The following CDC42SE2 variants were observed in gnomAD, a reference collection of about 807,000 sequenced individuals.
CDC42SE2 encodes the protein CDC42 small effector protein 2.
A neutral mutation model predicts 11.5 loss-of-function variants in CDC42SE2; 3 were observed. That is an observed-to-expected ratio of 0.26 (90% CI 0.12 to 0.67). The LOEUF is 0.67. Ranked by LOEUF, CDC42SE2 falls within the 30% of genes least tolerant of loss-of-function variation. The pLI is 0.80. For synonymous variants in CDC42SE2, 33 were observed against 34.8 expected, an observed-to-expected ratio of 0.95 and a Z score of 0.18; for missense variants, 82 against 106.8, an observed-to-expected ratio of 0.77 and a Z score of 1.02.
At chr5:131,348,682 T>A (rs1034573169) in intron 2 of CDC42SE2, among the ~76,000 whole-genome samples, 4 of 152,138 alleles carry the variant, frequency 2.6e-5, no homozygotes, top group Non-Finnish European at 4.4e-5. Context: ...CTGCATTGCC[T>A]AGTCAATCCT....
rs1250121871 is a variant in CDC42SE2 at position 131,348,375 on chromosome 5, T to G, written c.-285-10834T>G. ...AACAGACAGAGAGCCAAATCATGAG[T>G]GAACTCCCATTCACACTTGGTACAA... On this transcript the variant is annotated intron_variant, in intron 2 of 4. Coordinates refer to ENST00000505065, the MANE Select transcript of CDC42SE2 (RefSeq NM_001375635.1). Among the ~76,000 whole-genome samples, 3 of 152,210 alleles carry G rather than the reference T, an allele frequency of 2.0e-5. No homozygotes were observed. The East Asian group carries it at 5.8e-4, about 29-fold the overall frequency.
At chr5:131,383,146 G>A (rs1020273288) in intron 3 of CDC42SE2, among the ~76,000 whole-genome samples, 3 of 152,202 alleles carry the variant, frequency 2.0e-5, no homozygotes, top group African/African-American at 7.2e-5. Context: ...TTGCTGGCAT[G>A]CAGCACTCCA....
rs568271359 is a variant in CDC42SE2 at position 131,290,982 on chromosome 5, A to T, written c.-454-24994A>T. Among the ~76,000 whole-genome samples, 3 of 152,302 alleles carry T rather than the reference A, an allele frequency of 2.0e-5. No homozygotes were observed. In the South Asian group the frequency reaches 6.2e-4, roughly 32 times the overall value. ...AAGATAAAAAAGGAAAACCTTAAAA[A>T]TACTAGGAGAAAACATCGGTCAATA... On this transcript the variant is annotated intron_variant, in intron 1 of 4. Transcript: ENST00000505065.
intron 1 of CDC42SE2, among the ~76,000 whole-genome samples, chr5:131,312,406 C>T (rs1197830389): frequency 2.0e-5 from 3 of 152,180 alleles, no homozygotes; most frequent in African/African-American, 7.2e-5. Context: ...TGTCTGTGCC[C>T]TGCCCCAAGA....
chr5:131,316,932 A>G (rs1043232560), intron 2 of CDC42SE2, among the ~76,000 whole-genome samples: 1 of 152,032 alleles, frequency 6.6e-6, no homozygotes, highest in Admixed American at 6.6e-5. Context: ...ACACATTTCT[A>G]CTTGATCATG....
chr5:131,363,007 G>C (rs1749753877), intron 3 of CDC42SE2, among the ~76,000 whole-genome samples: 2 of 152,172 alleles, frequency 1.3e-5, no homozygotes, highest in South Asian at 4.1e-4. Flanking sequence ...TAGCCGGTGT[G>C]ATGTTATGTG....
chr5:131,309,769 A>T (rs867570416), intron 1 of CDC42SE2, among the ~76,000 whole-genome samples: 21 of 151,886 alleles, frequency 1.4e-4, no homozygotes, highest in South Asian at 1.2e-3. Context: ...GGTAGTTTGT[A>T]TTTCTGTGGG....
Position 131,280,478 on chromosome 5 carries a change from G to C in CDC42SE2, c.-455+16312G>C, listed in dbSNP as rs748543462. On this transcript the variant is annotated intron_variant, in intron 1 of 4. Coordinates refer to ENST00000505065, the MANE Select transcript of CDC42SE2 (RefSeq NM_001375635.1). Reference sequence around the variant, plus strand: ...CAGTTTGAAAGGGTCATATTGGAAAGTGAAAATTCTGTTTGACGAGGATAA... The same window carrying C: ...CAGTTTGAAAGGGTCATATTGGAAACTGAAAATTCTGTTTGACGAGGATAA... Among the ~76,000 whole-genome samples the C allele has an allele frequency of 2.0e-5, 3 of 152,174 alleles. No individual in the cohort carries two copies. The South Asian group carries it at 6.2e-4, about 31-fold the overall frequency.
the CDC42SE2 span, among the ~76,000 whole-genome samples, chr5:131,239,808 T>C: frequency 6.6e-6 from 1 of 152,190 alleles, no homozygotes; most frequent in Non-Finnish European, 1.5e-5. Context: ...GGTTTCTCAT[T>C]TGGGGAAGGG....
intron 1 of CDC42SE2, among the ~76,000 whole-genome samples, chr5:131,292,459 T>C (rs1324449006): frequency 6.7e-6 from 1 of 149,590 alleles, no homozygotes; most frequent in African/African-American, 2.5e-5. Flanking sequence ...TCCCAGCCAC[T>C]TGGGAGGCTG....
chr5:131,275,137 G>A (rs898866817), intron 1 of CDC42SE2, among the ~76,000 whole-genome samples: 7 of 151,900 alleles, frequency 4.6e-5, no homozygotes, highest in Admixed American at 2.0e-4. Context: ...ATAAACTGAT[G>A]GAATAAAGAA....
chr5:131,342,287 A>T (rs1477108240), intron 2 of CDC42SE2, among the ~76,000 whole-genome samples: 1 of 151,798 alleles, frequency 6.6e-6, no homozygotes, highest in Admixed American at 6.6e-5. Context: ...TCAAAAAAAA[A>T]AAAAAAAGGT....
At chr5:131,305,858 T>C (rs1757768266) in intron 1 of CDC42SE2, among the ~76,000 whole-genome samples, 1 of 152,234 alleles carries the variant, frequency 6.6e-6, no homozygotes, top group Admixed American at 6.5e-5. Context: ...TATTTTCCTA[T>C]GTTTTCTTCT....
intron 1 of CDC42SE2, among the ~76,000 whole-genome samples, chr5:131,304,041 C>T (rs1310747358): frequency 6.6e-6 from 1 of 151,904 alleles, no homozygotes; most frequent in Non-Finnish European, 1.5e-5. Context: ...CTCACTGCAA[C>T]CTTGACCTTC....
chr5:131,385,154 A>T (rs1172605812), intron 3 of CDC42SE2, among the ~76,000 whole-genome samples: 3 of 152,212 alleles, frequency 2.0e-5, no homozygotes, highest in African/African-American at 4.8e-5. Flanking sequence ...TCTGTTAATG[A>T]TGAAAGCCAG....
At chr5:131,350,412 A>G (rs1758977560) in intron 2 of CDC42SE2, among the ~76,000 whole-genome samples, 1 of 152,048 alleles carries the variant, frequency 6.6e-6, no homozygotes, top group Admixed American at 6.6e-5. Flanking sequence ...ATTAATGTCA[A>G]AATTGAATTA....
At chr5:131,227,356 G>T in the CDC42SE2 span, among the ~76,000 whole-genome samples, 1,613 of 152,262 alleles carry the variant, frequency 0.011, 33 homozygotes, top group African/African-American at 0.036. Flanking sequence ...TTTGGTTGGC[G>T]AGGTACAGTG....
intron 1 of CDC42SE2, among the ~76,000 whole-genome samples, chr5:131,272,351 G>T (rs1757011040): frequency 6.6e-6 from 1 of 151,998 alleles, no homozygotes; most frequent in South Asian, 2.1e-4. Flanking sequence ...TACGTTTCCT[G>T]ATTTAATCAC....
chr5:131,225,333 C>T, the CDC42SE2 span, among the ~76,000 whole-genome samples: 1 of 152,108 alleles, frequency 6.6e-6, no homozygotes, highest in Non-Finnish European at 1.5e-5. Flanking sequence ...TGATTTTATG[C>T]GTACCTACAA....
Sources: gnomAD v4.1 joint callset for allele counts (sites outside exome capture counted in the v4.1 genomes callset) on GRCh38, gnomAD v4.1.1 for gene constraint, MANE v1.5 for transcripts, NCBI Gene and HGNC (gene_info 2026-07-23, HGNC 2026-07-21) for gene names.